CRISP1: variants seen among roughly 807,000 people sequenced by gnomAD.
The protein encoded by CRISP1 is cysteine rich secretory protein 1.
In CRISP1, 44 loss-of-function variants were observed where a neutral mutation model predicts 33.1. The observed-to-expected ratio is 1.33, with a 90% CI of 1.05 to 1.71. The LOEUF (loss-of-function observed/expected upper bound fraction) is 1.71. CRISP1 is among the 40% of genes most tolerant of loss of function. The pLI is 0.00. For synonymous variants in CRISP1, 103 were observed against 98.7 expected (o/e 1.04, Z -0.26); for missense variants, 390 against 301.2 (o/e 1.29, Z -2.18).
intron 1 of CRISP1, among the ~76,000 whole-genome samples, chr6:49,864,384 C>CTGTGTG (rs3997164): frequency 0.09 from 12,820 of 142,224 alleles, 714 homozygotes; most frequent in Non-Finnish European, 0.14. Context: ...TTGCTATTCA[C>CTGTGTG]TGTGTGTGTG....
intron 1 of CRISP1, among the ~76,000 whole-genome samples, chr6:49,874,891 G>A (rs1772003163): frequency 6.6e-6 from 1 of 151,910 alleles, no homozygotes; most frequent in Non-Finnish European, 1.5e-5. Flanking sequence ...AATAAACTAG[G>A]TATTGAAGGA....
chr6:49,867,556 T>C (rs1043157909), upstream of CRISP1, among the ~76,000 whole-genome samples: 7 of 151,888 alleles, frequency 4.6e-5, no homozygotes, highest in Non-Finnish European at 1.0e-4. Context: ...AGTTCTGGGG[T>C]GAGGGTTAGG....
At chr6:49,846,794 T>A in intron 4 of CRISP1, 126 bp from the exon 5 acceptor site, 1 of 885,436 alleles carries the variant, frequency 1.1e-6, no homozygotes, top group Non-Finnish European at 1.7e-6. Context: ...TGAGAGGGAG[T>A]AAAATAAGTT....
chr6:49,846,205 T>C (rs549375569), intron 5 of CRISP1, among the ~76,000 whole-genome samples: 1 of 152,192 alleles, frequency 6.6e-6, no homozygotes, highest in Admixed American at 6.5e-5. Context: ...AAATCAGGGG[T>C]TTCTCTGTAT....
upstream of CRISP1, among the ~76,000 whole-genome samples, chr6:49,868,986 A>G (rs1241595325): frequency 6.6e-6 from 1 of 152,172 alleles, no homozygotes; most frequent in Non-Finnish European, 1.5e-5. Flanking sequence ...TATAGCTTTC[A>G]TAATCAGAAT....
chr6:49,854,598 T>A (rs1771442432), intron 2 of CRISP1, among the ~76,000 whole-genome samples: 1 of 152,130 alleles, frequency 6.6e-6, no homozygotes, highest in South Asian at 2.1e-4. Flanking sequence ...ACTTCCCCAT[T>A]CAACTATTGT....
chr6:49,860,621 G>A (rs1379512618), intron 1 of CRISP1, among the ~76,000 whole-genome samples: 1 of 152,104 alleles, frequency 6.6e-6, no homozygotes, highest in Non-Finnish European at 1.5e-5. Flanking sequence ...AGCAAAAGCT[G>A]TGCTAAAAGG....
intron 4 of CRISP1, among the ~76,000 whole-genome samples, chr6:49,847,595 G>A (rs754500241): frequency 1.7e-4 from 26 of 152,110 alleles, no homozygotes; most frequent in African/African-American, 5.6e-4. Flanking sequence ...TGTACAGCCC[G>A]CAGAGTCATA....
intron 3 of CRISP1, 126 bp downstream of exon 3, chr6:49,851,875 G>T: frequency 9.0e-7 from 1 of 1,106,104 alleles, no homozygotes; most frequent in Non-Finnish European, 1.3e-6. Flanking sequence ...TGTTTCTTCT[G>T]CTATGTAAAA....
rs540029230 is a variant in CRISP1 at position 49,858,323 on chromosome 6, ACCATCTG to A, written c.-2-928_-2-922del. ...TGAATTTGGTTGGCACCTTCTTTTCACCATCTGCCAAGTTTATTTCTGAATTAATCCT... is the reference window on the plus strand; with the variant it reads ...TGAATTTGGTTGGCACCTTCTTTTCACCAAGTTTATTTCTGAATTAATCCT... On this transcript the variant is annotated intron_variant, in intron 1 of 7. Coordinates refer to ENST00000335847, the MANE Select transcript of CRISP1 (RefSeq NM_001131.3). Among the ~76,000 whole-genome samples the A allele has an allele frequency of 3.3e-3, 505 of 152,302 alleles. 4 individuals carry two copies. Among genetic ancestry groups the A allele is most frequent in the African/African-American group, 0.012 (486 of 41,560 alleles).
intron 2 of CRISP1, among the ~76,000 whole-genome samples, 174 bp downstream of exon 2, chr6:49,857,161 C>T (rs1292272623): frequency 1.3e-5 from 2 of 152,114 alleles, no homozygotes; most frequent in Non-Finnish European, 2.9e-5. Flanking sequence ...TTGGTTCTCT[C>T]CTTTATAAAA....
intron 3 of CRISP1, among the ~76,000 whole-genome samples, chr6:49,849,840 C>T: frequency 6.6e-6 from 1 of 151,916 alleles, no homozygotes; most frequent in Admixed American, 6.6e-5. Context: ...TAGCCTAGCA[C>T]TGGGTAAAAC....
chr6:49,849,784 G>A (rs1771293440), intron 3 of CRISP1, among the ~76,000 whole-genome samples: 2 of 151,948 alleles, frequency 1.3e-5, no homozygotes, highest in Non-Finnish European at 2.9e-5. Flanking sequence ...AATTACCCTT[G>A]GGGTTGATGA....
upstream of CRISP1, among the ~76,000 whole-genome samples, chr6:49,869,738 G>C (rs931527729): frequency 2.0e-5 from 3 of 152,146 alleles, no homozygotes; most frequent in Admixed American, 2.0e-4. Context: ...GAAAAGGAAG[G>C]TACTATGGTC....
At chr6:49,864,791 T>C (rs187204274) in intron 1 of CRISP1, among the ~76,000 whole-genome samples, 73 of 152,274 alleles carry the variant, frequency 4.8e-4, no homozygotes, top group African/African-American at 1.5e-3. Flanking sequence ...ATTCTTTACA[T>C]GTTCTTGATA....
intron 1 of CRISP1, among the ~76,000 whole-genome samples, chr6:49,863,636 A>C (rs1771716445): frequency 1.3e-5 from 2 of 152,242 alleles, no homozygotes; most frequent in Admixed American, 1.3e-4. Context: ...AAACAACTAA[A>C]AGTTAATATT....
chr6:49,854,400 A>T (rs574980952), intron 2 of CRISP1, among the ~76,000 whole-genome samples: 29 of 152,150 alleles, frequency 1.9e-4, no homozygotes, highest in Admixed American at 5.2e-4. Flanking sequence ...AAGAAGTCTC[A>T]CTCTGCTGCC....
intron 1 of CRISP1, chr6:49,876,876 GTCT>G (rs1040517365): frequency 1.3e-5 from 2 of 151,918 alleles, no homozygotes; most frequent in African/African-American, 4.8e-5. Context: ...ACACACTAGG[GTCT>G]GTCAGAAGGG....
chr6:49,854,375 ATC>A (rs1771435964), intron 2 of CRISP1, among the ~76,000 whole-genome samples: 1 of 151,952 alleles, frequency 6.6e-6, no homozygotes, highest in African/African-American at 2.4e-5. Context: ...TGCAGCTTAT[ATC>A]TCTTTTTTTG....
Sources: allele counts gnomAD v4.1 joint callset (sites outside exome capture counted in the v4.1 genomes callset), GRCh38; gene constraint gnomAD v4.1.1; transcripts MANE v1.5; gene names NCBI Gene and HGNC (gene_info 2026-07-23, HGNC 2026-07-21).